The following KIT variants were observed in gnomAD, a reference collection of about 807,000 sequenced individuals.
KIT encodes the protein mast/stem cell growth factor receptor Kit.
KIT carries 16 observed loss-of-function variants against 105.7 expected under a neutral mutation model. The observed-to-expected ratio is 0.15, with a 90% confidence interval of 0.10 to 0.23. The LOEUF (loss-of-function observed/expected upper bound fraction) is 0.23, where lower values mean the gene tolerates loss of function less well. Ranked by LOEUF, KIT falls within the 10% of genes least tolerant of loss-of-function variation. The probability of loss-of-function intolerance (pLI) is 1.00; values close to 1 mark genes in which losing one functional copy is unlikely to be tolerated. For synonymous variants in KIT, 438 were observed against 441.1 expected (o/e 0.99, Z 0.09); for missense variants, 858 against 1,213.8 (o/e 0.71, Z 4.36).
chr4:54,681,838 G>A (rs759491336), intron 1 of KIT, among the ~76,000 whole-genome samples: 7 of 151,936 alleles, frequency 4.6e-5, no homozygotes, highest in South Asian at 2.1e-4. Flanking sequence ...CCAGGAGTTC[G>A]AGATCAGCCT....
At chr4:54,707,973 T>A (rs749420749) in intron 6 of KIT, among the ~76,000 whole-genome samples, 5 of 152,180 alleles carry the variant, frequency 3.3e-5, no homozygotes, top group African/African-American at 4.8e-5. Flanking sequence ...GATAGGGTTT[T>A]GCTCTATTTT....
At chr4:54,695,983 A>ACTGC in intron 2 of KIT, 1 of 623,344 alleles carries the variant, frequency 1.6e-6, no homozygotes, top group Non-Finnish European at 2.8e-6. Context: ...CAGCTGGAGG[A>ACTGC]CTGCAGGACT....
At chr4:54,722,100 C>G (rs1015499641) in intron 7 of KIT, among the ~76,000 whole-genome samples, 1 of 152,118 alleles carries the variant, frequency 6.6e-6, no homozygotes, top group Non-Finnish European at 1.5e-5. Context: ...ATCCTCCTGC[C>G]TCAGCCTACC....
chr4:54,660,069 TCTC>T (rs1717137440), intron 1 of KIT, among the ~76,000 whole-genome samples: 2 of 152,048 alleles, frequency 1.3e-5, no homozygotes, highest in African/African-American at 4.8e-5. Context: ...GGTCCAGAAT[TCTC>T]CTCCAATGTT....
chr4:54,707,674 C>T (rs1377368171), intron 6 of KIT, among the ~76,000 whole-genome samples: 5 of 152,198 alleles, frequency 3.3e-5, no homozygotes, highest in Non-Finnish European at 5.9e-5. Context: ...CAAATAACTT[C>T]GCTTCAGGCA....
intron 14 of KIT, among the ~76,000 whole-genome samples, chr4:54,730,711 A>G (rs1161869775): frequency 6.6e-6 from 1 of 152,122 alleles, no homozygotes; most frequent in Non-Finnish European, 1.5e-5. Flanking sequence ...GATTGGAACC[A>G]CCAGCACACT....
At chr4:54,678,290 C>CTCCTTCCTTCCTTCCT (rs55800200) in intron 1 of KIT, among the ~76,000 whole-genome samples, 9 of 101,640 alleles carry the variant, frequency 8.9e-5, no homozygotes, top group East Asian at 6.5e-4. Flanking sequence ...GGCTGGCTCG[C>CTCCTTCCTTCCTTCCT]TCCTTCCTTC....
rs1348600709 is a variant in KIT, at chr4:54,664,220, G to A, written c.67+6139G>A. ...CTACAGTACAAGGAACAAGGCATTA[G>A]GATCTTACTTCAGGATTATCAAACC... On this transcript the variant is annotated intron_variant, in intron 1 of 20. Coordinates refer to ENST00000288135, the MANE Select transcript of KIT (RefSeq NM_000222.3). 2.6e-5 allele frequency among the ~76,000 whole-genome samples: 4 copies of A among 152,258 alleles called. No homozygotes were observed. In the East Asian group the frequency reaches 7.7e-4, roughly 29 times the overall value.
At chr4:54,659,311 C>G (rs1212711626) in intron 1 of KIT, among the ~76,000 whole-genome samples, 2 of 152,216 alleles carry the variant, frequency 1.3e-5, no homozygotes. Context: ...GCCTCCCGTT[C>G]CCTTTTTTCC....
At chr4:54,688,425 A>C (rs1719468189) in intron 1 of KIT, among the ~76,000 whole-genome samples, 1 of 151,646 alleles carries the variant, frequency 6.6e-6, no homozygotes, top group African/African-American at 2.4e-5. Context: ...CCAAAACTAG[A>C]ATAGGCCTAA....
Position 54,739,092 on chromosome 4 carries a change from T to C in KIT, c.*535T>C, listed in dbSNP as rs1723103502. ...AATGAGACATAGGCCATGAAAAAAA[T>C]GATCCCCAAGTGTGAACAAAAGATG... On this transcript the variant is annotated 3_prime_UTR_variant, in exon 21 of 21. Transcript: ENST00000288135. 7.5e-6 allele frequency: 3 copies of C among 400,028 alleles called. No individual in the cohort carries two copies. In the Admixed American group the frequency reaches 1.2e-4, roughly 16 times the overall value. The allele number at this position is 400,028 out of a possible 1,614,324, so 24.8% of individuals were successfully genotyped here.
intron 1 of KIT, among the ~76,000 whole-genome samples, chr4:54,661,461 G>A (rs3819385): frequency 0.043 from 6,486 of 152,286 alleles, 193 homozygotes; most frequent in East Asian, 0.098. Context: ...AAGGACACGA[G>A]GAAATGAACC....
chr4:54,722,387 G>A (rs1216705016), intron 7 of KIT, among the ~76,000 whole-genome samples: 3 of 152,090 alleles, frequency 2.0e-5, no homozygotes, highest in East Asian at 1.9e-4. Flanking sequence ...TATGAGAGGG[G>A]CACAGTTATT....
intron 1 of KIT, among the ~76,000 whole-genome samples, chr4:54,673,046 T>A (rs1354837342): frequency 1.3e-5 from 2 of 152,216 alleles, no homozygotes; most frequent in Non-Finnish European, 2.9e-5. Flanking sequence ...TTTAACTTGG[T>A]ATGTTTGCCT....
In KIT at chr4:54,736,829, C is replaced by CA; in HGVS notation, c.2696+15dup. 1.2e-6 allele frequency: 2 copies of CA among 1,611,902 alleles called. No homozygotes were observed. Among genetic ancestry groups the CA allele is most frequent in the Non-Finnish European group, 8.5e-7 (1 of 1,178,066 alleles). The stretch of plus-strand genomic sequence containing the variant: ...CACGCACCTGCTGAAATGTAAGAGC[C>CA]AAAAAATTTTTCCTTTAGGTCACGT... On this transcript the variant is annotated intron_variant, in intron 19 of 20. Transcript: ENST00000288135.
intron 17 of KIT, among the ~76,000 whole-genome samples, chr4:54,734,654 TAAG>T (rs375560092): frequency 7.8e-4 from 119 of 152,296 alleles, no homozygotes; most frequent in African/African-American, 2.5e-3. Flanking sequence ...TGGAACAAGA[TAAG>T]AAGAAGGAAA....
In KIT at chr4:54,728,390, C is replaced by T. The variant is rs1226462276; in HGVS notation, c.1990+269C>T. Among the ~76,000 whole-genome samples, 8 of 152,234 alleles carry T rather than the reference C, an allele frequency of 5.3e-5. No homozygotes were observed. The South Asian group carries it at 1.2e-3, about 24-fold the overall frequency. ...CATCAGCCTCTTGAATATCTCATCC[C>T]GACCAGAAGGCTTCTGTTATCTTGT... On this transcript the variant is annotated intron_variant, in intron 13 of 20. Transcript: ENST00000288135.
At chr4:54,691,648 T>C (rs552190111) in intron 1 of KIT, among the ~76,000 whole-genome samples, 1 of 152,282 alleles carries the variant, frequency 6.6e-6, no homozygotes, top group African/African-American at 2.4e-5. Context: ...TAGCTGCTGC[T>C]GCCTCTGTTG....
At chr4:54,714,698 A>G (rs1721356217) in intron 7 of KIT, among the ~76,000 whole-genome samples, 1 of 152,206 alleles carries the variant, frequency 6.6e-6, no homozygotes, top group Admixed American at 6.5e-5. Flanking sequence ...ATCTGGTAGC[A>G]TTTCCAGGGC....
Sources: allele counts gnomAD v4.1 joint callset (sites outside exome capture counted in the v4.1 genomes callset), GRCh38; gene constraint gnomAD v4.1.1; transcripts MANE v1.5; gene names NCBI Gene and HGNC (gene_info 2026-07-23, HGNC 2026-07-21).